RALA: variants seen among roughly 807,000 people sequenced by gnomAD.
RALA encodes RAS like proto-oncogene A, also known as ras-related protein Ral-A.
Under a neutral mutation model 24.0 loss-of-function variants are expected in RALA, and 5 were observed. The observed-to-expected ratio is 0.21, with a 90% confidence interval of 0.11 to 0.44. RALA has a LOEUF of 0.44. Among genes scored for constraint, RALA ranks in the 20% least tolerant of loss-of-function variants. RALA has a pLI of 0.99. For synonymous variants in RALA, 77 were observed against 83.8 expected (o/e 0.92, Z 0.44); for missense variants, 95 against 241.2 (o/e 0.39, Z 4.01).
At chr7:39,704,928 G>A (rs1281532321) in intron 4 of RALA, among the ~76,000 whole-genome samples, 2 of 152,004 alleles carry the variant, frequency 1.3e-5, no homozygotes, top group Admixed American at 6.6e-5. Flanking sequence ...TGCCCGCCTC[G>A]GCCTCCCAGA....
chr7:39,690,615 C>T (rs1439675527), intron 3 of RALA, 25 bp downstream of exon 3: 1 of 1,541,146 alleles, frequency 6.5e-7, no homozygotes, highest in Non-Finnish European at 8.9e-7. Context: ...AATGTTGTTG[C>T]TTGTGACATA....
At chr7:39,630,200 T>TG (rs1034755771) in intron 1 of RALA, among the ~76,000 whole-genome samples, 2 of 148,280 alleles carry the variant, frequency 1.3e-5, no homozygotes, top group Non-Finnish European at 3.0e-5. Context: ...CATGCCACCA[T>TG]GCCTTGCTAA....
At chr7:39,665,229 A>G (rs902435542) in intron 1 of RALA, among the ~76,000 whole-genome samples, 4 of 151,818 alleles carry the variant, frequency 2.6e-5, no homozygotes, top group Non-Finnish European at 5.9e-5. Flanking sequence ...TCTTCAGCCT[A>G]CTCAACATGA....
At chr7:39,642,883 C>T (rs1791845144) in intron 1 of RALA, among the ~76,000 whole-genome samples, 1 of 152,214 alleles carries the variant, frequency 6.6e-6, no homozygotes, top group Non-Finnish European at 1.5e-5. Context: ...GTTTCCCAAG[C>T]AGTCTGCCTG....
At chr7:39,654,561 T>C (rs1464288648) in intron 1 of RALA, among the ~76,000 whole-genome samples, 3 of 152,194 alleles carry the variant, frequency 2.0e-5, no homozygotes, top group Non-Finnish European at 4.4e-5. Flanking sequence ...CAGTCCAACT[T>C]ATCAATTTCA....
At chr7:39,693,128 C>T (rs1251577964) in intron 3 of RALA, among the ~76,000 whole-genome samples, 2 of 152,150 alleles carry the variant, frequency 1.3e-5, no homozygotes, top group East Asian at 1.9e-4. Context: ...TGTATGTTTA[C>T]TGCGGCACTA....
intron 1 of RALA, among the ~76,000 whole-genome samples, chr7:39,627,364 G>T (rs1306347193): frequency 6.6e-6 from 1 of 152,096 alleles, no homozygotes; most frequent in Admixed American, 6.6e-5. Flanking sequence ...GCCAAAAAAG[G>T]CATGCTTCCA....
intron 1 of RALA, among the ~76,000 whole-genome samples, chr7:39,675,575 A>G (rs932819684): frequency 6.6e-6 from 1 of 152,030 alleles, no homozygotes; most frequent in Non-Finnish European, 1.5e-5. Flanking sequence ...AAAATACTTT[A>G]AAAATTAGCT....
chr7:39,675,251 G>A (rs1792463473), intron 1 of RALA, among the ~76,000 whole-genome samples: 1 of 152,202 alleles, frequency 6.6e-6, no homozygotes, highest in African/African-American at 2.4e-5. Context: ...GCAGGGTCCT[G>A]GGGATGCTGA....
intron 1 of RALA, among the ~76,000 whole-genome samples, chr7:39,626,546 A>G (rs1163699501): frequency 6.6e-6 from 1 of 152,224 alleles, no homozygotes; most frequent in African/African-American, 2.4e-5. Flanking sequence ...AGTCCTGGCC[A>G]GGTGGCCTCA....
chr7:39,628,527 G>A (rs1198468846), intron 1 of RALA, among the ~76,000 whole-genome samples: 1 of 152,054 alleles, frequency 6.6e-6, no homozygotes, highest in African/African-American at 2.4e-5. Context: ...GCATCCCTAG[G>A]TCAAAAGAAA....
At chr7:39,645,266 A>T (rs958194602) in intron 1 of RALA, among the ~76,000 whole-genome samples, 1 of 152,190 alleles carries the variant, frequency 6.6e-6, no homozygotes, top group Admixed American at 6.5e-5. Flanking sequence ...TACTTTTGTT[A>T]TATTAGTCAA....
intron 1 of RALA, among the ~76,000 whole-genome samples, chr7:39,646,135 A>T (rs1791919289): frequency 6.6e-6 from 1 of 152,192 alleles, no homozygotes; most frequent in African/African-American, 2.4e-5. Flanking sequence ...GAAGAATGAA[A>T]TGTTTGAAAG....
intron 1 of RALA, among the ~76,000 whole-genome samples, chr7:39,628,677 T>C (rs1791539266): frequency 6.6e-6 from 1 of 152,202 alleles, no homozygotes; most frequent in African/African-American, 2.4e-5. Context: ...TGCCTCAGCC[T>C]CCCGAGTAGC....
In RALA at chr7:39,654,099, T is replaced by A. The variant is rs543694421; in HGVS notation, c.-38+30274T>A. ...GAGGACACTGCACAGGGGGTTCTAT[T>A]TGAACAACTTTCTTTACCTTTATGT... On this transcript the variant is annotated intron_variant, in intron 1 of 4. Transcript: ENST00000005257. 4.6e-5 allele frequency among the ~76,000 whole-genome samples: 7 copies of A among 152,338 alleles called. No individual in the cohort carries two copies. The South Asian group carries it at 1.5e-3, about 32-fold the overall frequency.
chr7:39,682,304 A>G (rs1163779128), intron 1 of RALA, among the ~76,000 whole-genome samples: 4 of 151,200 alleles, frequency 2.6e-5, no homozygotes, highest in Admixed American at 1.3e-4. Flanking sequence ...TGGTAATACC[A>G]TTGCTGCTGC....
intron 1 of RALA, among the ~76,000 whole-genome samples, chr7:39,656,521 G>A (rs1365662463): frequency 6.6e-6 from 1 of 152,192 alleles, no homozygotes; most frequent in Non-Finnish European, 1.5e-5. Context: ...CAATTATCTG[G>A]CAACCAGAAT....
chr7:39,651,921 A>G (rs908105600), intron 1 of RALA, among the ~76,000 whole-genome samples: 5 of 152,102 alleles, frequency 3.3e-5, no homozygotes, highest in African/African-American at 1.2e-4. Context: ...CTTATCGCTA[A>G]TTTTCTATGG....
chr7:39,658,687 G>A (rs1362532898), intron 1 of RALA, among the ~76,000 whole-genome samples: 1 of 151,994 alleles, frequency 6.6e-6, no homozygotes, highest in African/African-American at 2.4e-5. Context: ...CTGATTCTGA[G>A]TCATACTCCT....
Sources: allele counts gnomAD v4.1 joint callset (sites outside exome capture counted in the v4.1 genomes callset), GRCh38; gene constraint gnomAD v4.1.1; transcripts MANE v1.5; gene names NCBI Gene and HGNC (gene_info 2026-07-23, HGNC 2026-07-21).